Variants in DIP2C observed in about 807,000 individuals in gnomAD.
The protein encoded by DIP2C is disco-interacting protein 2 homolog C.
A neutral mutation model predicts 192.4 loss-of-function variants in DIP2C; 33 were observed. The observed-to-expected ratio is 0.17, with a 90% CI of 0.13 to 0.23. The LOEUF (loss-of-function observed/expected upper bound fraction) is 0.23. Among genes scored for constraint, DIP2C ranks in the 10% least tolerant of loss-of-function variants. The pLI, the probability that DIP2C is intolerant of heterozygous loss-of-function variation, is 1.00. For synonymous variants in DIP2C, 979 were observed against 864.1 expected (o/e 1.13, Z -2.33); for missense variants, 1,537 against 2,110.1 (o/e 0.73, Z 5.32).
chr10:529,640 G>A (rs893300016), intron 1 of DIP2C, among the ~76,000 whole-genome samples: 4 of 152,196 alleles, frequency 2.6e-5, no homozygotes, highest in Non-Finnish European at 5.9e-5. Flanking sequence ...GAGGGCAGCT[G>A]CAGCAGCACC....
intron 1 of DIP2C, among the ~76,000 whole-genome samples, chr10:560,489 T>C (rs1302950673): frequency 1.3e-5 from 2 of 152,172 alleles, no homozygotes; most frequent in Non-Finnish European, 2.9e-5. Flanking sequence ...TGCCTGAAAC[T>C]CGCGGCAGTG....
At chr10:515,832 T>C (rs1448167160) in intron 1 of DIP2C, among the ~76,000 whole-genome samples, 1 of 152,024 alleles carries the variant, frequency 6.6e-6, no homozygotes, top group Non-Finnish European at 1.5e-5. Flanking sequence ...TTTCACACAA[T>C]AGATAAAATT....
At chr10:551,760 T>TG (rs919727453) in intron 1 of DIP2C, among the ~76,000 whole-genome samples, 26 of 152,310 alleles carry the variant, frequency 1.7e-4, no homozygotes, top group African/African-American at 6.0e-4. Context: ...GCTCTCTCAA[T>TG]GGAGTTGTGA....
At chr10:545,875 T>C (rs1025299208) in intron 1 of DIP2C, among the ~76,000 whole-genome samples, 2 of 152,172 alleles carry the variant, frequency 1.3e-5, no homozygotes, top group African/African-American at 2.4e-5. Context: ...ATCAACAGAT[T>C]AGAAGGTACA....
chr10:544,180 C>T (rs116166116), intron 1 of DIP2C, among the ~76,000 whole-genome samples: 67 of 151,298 alleles, frequency 4.4e-4, no homozygotes, highest in African/African-American at 1.5e-3. Context: ...GCATCTTTCC[C>T]GTTCAAGGTG....
At chr10:440,758 A>G (rs1312754662) in intron 4 of DIP2C, 113 bp downstream of exon 4, 2 of 1,447,212 alleles carry the variant, frequency 1.4e-6, no homozygotes, top group Non-Finnish European at 1.8e-6. Flanking sequence ...GGTTCACAAA[A>G]TCTGCATTAC....
chr10:414,747 A>C (rs1261596201), intron 7 of DIP2C, among the ~76,000 whole-genome samples: 11 of 119,960 alleles, frequency 9.2e-5, no homozygotes, highest in Non-Finnish European at 1.4e-4. Flanking sequence ...GTGTACATAT[A>C]TATATATATA....
At chr10:598,941 T>A (rs763292689) in intron 1 of DIP2C, among the ~76,000 whole-genome samples, 3 of 152,224 alleles carry the variant, frequency 2.0e-5, no homozygotes, top group Non-Finnish European at 2.9e-5. Flanking sequence ...TCAAGGAACA[T>A]CCTTCCAACA....
At chr10:544,348 C>T (rs919979508) in intron 1 of DIP2C, among the ~76,000 whole-genome samples, 4 of 152,238 alleles carry the variant, frequency 2.6e-5, no homozygotes, top group Non-Finnish European at 5.9e-5. Context: ...TGTTGACAGA[C>T]ATCTGGGCTG....
At chr10:448,762 A>T (rs11252486) in intron 3 of DIP2C, among the ~76,000 whole-genome samples, 1 of 123,696 alleles carries the variant, frequency 8.1e-6, no homozygotes, top group Admixed American at 7.8e-5. Flanking sequence ...AGCAGGACCC[A>T]CTCACCCCTG....
chr10:477,274 G>A (rs1276022700), intron 2 of DIP2C, among the ~76,000 whole-genome samples: 1 of 73,946 alleles, frequency 1.4e-5, no homozygotes, highest in Non-Finnish European at 2.4e-5. Context: ...GGTAGAGAAG[G>A]AAGGGAAGGA....
intron 1 of DIP2C, among the ~76,000 whole-genome samples, chr10:546,796 A>G (rs1477619452): frequency 6.6e-6 from 1 of 152,238 alleles, no homozygotes. Flanking sequence ...ATGTCAAAAA[A>G]AAAAATCACA....
chr10:668,419 A>G (rs1183691244), intron 1 of DIP2C: 1 of 152,220 alleles, frequency 6.6e-6, no homozygotes, highest in Non-Finnish European at 1.5e-5. Context: ...TACAACATAC[A>G]ACCCATACAA....
At chr10:399,693 A>G (rs1964263653) in intron 9 of DIP2C, among the ~76,000 whole-genome samples, 1 of 152,226 alleles carries the variant, frequency 6.6e-6, no homozygotes, top group Non-Finnish European at 1.5e-5. Context: ...GAGAATAATG[A>G]TAGAGCTGAT....
chr10:446,747 C>T (rs933328792), intron 3 of DIP2C, among the ~76,000 whole-genome samples: 4 of 152,230 alleles, frequency 2.6e-5, no homozygotes, highest in African/African-American at 9.6e-5. Flanking sequence ...AGAAAGATCC[C>T]TTCTGTTCCT....
intron 17 of DIP2C, among the ~76,000 whole-genome samples, chr10:374,752 A>C (rs1961372944): frequency 6.6e-6 from 1 of 152,182 alleles, no homozygotes; most frequent in Non-Finnish European, 1.5e-5. Flanking sequence ...CCTTGCTAAG[A>C]AGTAAAAATC....
At chr10:620,518 A>G (rs1853790489) in intron 1 of DIP2C, among the ~76,000 whole-genome samples, 1 of 152,234 alleles carries the variant, frequency 6.6e-6, no homozygotes, top group African/African-American at 2.4e-5. Context: ...GTACTAAAGA[A>G]AAGTCCATTT....
chr10:288,010 T>C (rs1412700967), intron 33 of DIP2C, among the ~76,000 whole-genome samples: 1 of 152,192 alleles, frequency 6.6e-6, no homozygotes, highest in African/African-American at 2.4e-5. Flanking sequence ...TCTTTTTCTG[T>C]TTCTCCTCCT....
intron 1 of DIP2C, among the ~76,000 whole-genome samples, chr10:580,321 A>G (rs542773990): frequency 4.3e-4 from 66 of 152,268 alleles, no homozygotes; most frequent in Admixed American, 1.8e-3. Flanking sequence ...ACATATCCAC[A>G]AGTTTATTCA....
Sources: allele counts gnomAD v4.1 joint callset (sites outside exome capture counted in the v4.1 genomes callset), GRCh38; gene constraint gnomAD v4.1.1; transcripts MANE v1.5; gene names NCBI Gene and HGNC (gene_info 2026-07-23, HGNC 2026-07-21).